Variants in MACROD2 observed in about 807,000 individuals in gnomAD.
The protein encoded by MACROD2 is ADP-ribose glycohydrolase MACROD2.
In MACROD2, 36 loss-of-function variants were observed where a neutral mutation model predicts 70.4. That is an observed-to-expected ratio of 0.51 (90% confidence interval 0.39 to 0.68). MACROD2 has a LOEUF of 0.68. MACROD2 is among the 30% of genes least tolerant of loss of function. The probability of loss-of-function intolerance (pLI) is 0.00; values close to 1 mark genes in which losing one functional copy is unlikely to be tolerated. For missense variants in MACROD2, 496 were observed against 538.4 expected (o/e 0.92, Z 0.78); for synonymous variants, 172 against 178.8 (o/e 0.96, Z 0.30).
At chr20:15,306,719 A>T (rs1466579688) in intron 6 of MACROD2, among the ~76,000 whole-genome samples, 1 of 152,144 alleles carries the variant, frequency 6.6e-6, no homozygotes, top group Non-Finnish European at 1.5e-5. Flanking sequence ...GACTGTTCCT[A>T]AAAACAGGGT....
intron 8 of MACROD2, among the ~76,000 whole-genome samples, chr20:15,697,820 C>G (rs1402392891): frequency 6.6e-6 from 1 of 152,178 alleles, no homozygotes; most frequent in Non-Finnish European, 1.5e-5. Flanking sequence ...CCCTCTTTGT[C>G]TCTTTTAACC....
intron 5 of MACROD2, among the ~76,000 whole-genome samples, chr20:14,909,493 C>T (rs1419720928): frequency 6.6e-6 from 1 of 151,828 alleles, no homozygotes; most frequent in Non-Finnish European, 1.5e-5. Context: ...TGTTACTTAC[C>T]TTTCTGAACC....
chr20:16,026,841 A>G (rs995838243), intron 15 of MACROD2, among the ~76,000 whole-genome samples: 2 of 152,196 alleles, frequency 1.3e-5, no homozygotes, highest in Non-Finnish European at 2.9e-5. Flanking sequence ...GGTAACATCA[A>G]CATCTCACAG....
chr20:14,094,903 C>A (rs1458139552), intron 3 of MACROD2, among the ~76,000 whole-genome samples: 1 of 152,092 alleles, frequency 6.6e-6, no homozygotes, highest in South Asian at 2.1e-4. Context: ...TGTCCCCCAC[C>A]GTTTTTCTCA....
At chr20:15,497,371 C>A (rs1307242766) in intron 7 of MACROD2, among the ~76,000 whole-genome samples, 1 of 152,054 alleles carries the variant, frequency 6.6e-6, no homozygotes, top group African/African-American at 2.4e-5. Flanking sequence ...TGGCTCACTG[C>A]AACCTCTGCC....
intron 6 of MACROD2, among the ~76,000 whole-genome samples, chr20:15,241,019 A>T (rs897080114): frequency 2.6e-5 from 4 of 152,198 alleles, no homozygotes; most frequent in African/African-American, 9.6e-5. Flanking sequence ...TCCAGAGCTG[A>T]TTAATGCAGT....
intron 5 of MACROD2, among the ~76,000 whole-genome samples, chr20:14,714,321 C>T (rs1460843893): frequency 6.6e-6 from 1 of 152,032 alleles, no homozygotes; most frequent in Non-Finnish European, 1.5e-5. Flanking sequence ...CACCTCTCAC[C>T]ACCCACTGGC....
chr20:15,310,693 C>T (rs1468073323), intron 6 of MACROD2, among the ~76,000 whole-genome samples: 5 of 152,080 alleles, frequency 3.3e-5, no homozygotes, highest in South Asian at 2.1e-4. Flanking sequence ...GTTAGATCCT[C>T]AGTGATTCCA....
At chr20:15,539,168 TC>T (rs1202967743) in intron 8 of MACROD2, among the ~76,000 whole-genome samples, 6 of 152,194 alleles carry the variant, frequency 3.9e-5, no homozygotes, top group African/African-American at 7.2e-5. Context: ...ATGATAAATG[TC>T]TTTTGCAGCA....
chr20:14,528,534 CTCTG>C (rs1208607400), intron 4 of MACROD2, among the ~76,000 whole-genome samples: 1 of 152,118 alleles, frequency 6.6e-6, no homozygotes, highest in East Asian at 1.9e-4. Context: ...TGCTTATCCT[CTCTG>C]TCTACTACTT....
chr20:15,649,713 G>A (rs917775340), intron 8 of MACROD2, among the ~76,000 whole-genome samples: 2 of 152,140 alleles, frequency 1.3e-5, no homozygotes, highest in African/African-American at 4.8e-5. Context: ...AGACAAATTA[G>A]GGTCTACTTT....
At chr20:15,771,972 C>T (rs1032859815) in intron 8 of MACROD2, among the ~76,000 whole-genome samples, 4 of 150,018 alleles carry the variant, frequency 2.7e-5, no homozygotes, top group Non-Finnish European at 5.9e-5. Context: ...GTAGTCCCAG[C>T]TACTCAGGAG....
intron 5 of MACROD2, among the ~76,000 whole-genome samples, chr20:14,960,208 C>T (rs1001770846): frequency 5.3e-5 from 8 of 152,176 alleles, no homozygotes; most frequent in African/African-American, 1.9e-4. Context: ...ACACCCTTGG[C>T]TGGGAAACTT....
At chr20:14,840,235 G>A (rs780098000) in intron 5 of MACROD2, among the ~76,000 whole-genome samples, 4 of 151,914 alleles carry the variant, frequency 2.6e-5, no homozygotes, top group Non-Finnish European at 4.4e-5. Context: ...ACGGGGTTTC[G>A]CCATGTTGGC....
chr20:15,423,161 G>A (rs1447110791), intron 6 of MACROD2, among the ~76,000 whole-genome samples: 1 of 152,148 alleles, frequency 6.6e-6, no homozygotes, highest in Non-Finnish European at 1.5e-5. Flanking sequence ...ACTCAGTAAT[G>A]TGCAATAGTA....
intron 6 of MACROD2, among the ~76,000 whole-genome samples, chr20:15,326,164 A>C (rs1427575751): frequency 6.6e-6 from 1 of 152,112 alleles, no homozygotes; most frequent in Non-Finnish European, 1.5e-5. Context: ...ATTGTTTTGG[A>C]AAAAATGTTA....
intron 8 of MACROD2, among the ~76,000 whole-genome samples, chr20:15,808,221 T>TTAAACCCCTTCCTTCTTTAA (rs1733928978): frequency 6.6e-6 from 1 of 152,200 alleles, no homozygotes; most frequent in African/African-American, 2.4e-5. Flanking sequence ...TAACTCGGTG[T>TTAAACCCCTTCCTTCTTTAA]CTGAGGGGTT....
At chr20:15,799,298 C>T (rs760418789) in intron 8 of MACROD2, among the ~76,000 whole-genome samples, 4 of 152,140 alleles carry the variant, frequency 2.6e-5, no homozygotes, top group Admixed American at 6.5e-5. Context: ...GTGTTGGGAA[C>T]ATTTCAAATC....
At chr20:15,168,296 C>T (rs1254351766) in intron 5 of MACROD2, among the ~76,000 whole-genome samples, 1 of 152,064 alleles carries the variant, frequency 6.6e-6, no homozygotes, top group Non-Finnish European at 1.5e-5. Context: ...ACTTACTTTC[C>T]CTGGGCCTCT....
Sources: gnomAD v4.1 joint callset for allele counts (sites outside exome capture counted in the v4.1 genomes callset) on GRCh38, gnomAD v4.1.1 for gene constraint, MANE v1.5 for transcripts, NCBI Gene and HGNC (gene_info 2026-07-23, HGNC 2026-07-21) for gene names.